The following EXOC4 variants were observed in gnomAD, a reference collection of about 807,000 sequenced individuals.
EXOC4 encodes the protein exocyst complex component 4, also known as SEC8-like 1.
EXOC4 carries 71 observed loss-of-function variants against 107.2 expected under a neutral mutation model. The observed-to-expected ratio is 0.66, with a 90% CI of 0.55 to 0.81. The LOEUF is 0.81. Among genes scored for constraint, EXOC4 ranks in the 30% least tolerant of loss-of-function variants. The pLI is 0.00. For synonymous variants in EXOC4, 456 were observed against 441.2 expected (o/e 1.03, Z -0.42); for missense variants, 1,108 against 1,189.6 (o/e 0.93, Z 1.01).
At chr7:133,475,592 G>T (rs1563079864) in intron 8 of EXOC4, 119 bp downstream of exon 8, 1 of 879,458 alleles carries the variant, frequency 1.1e-6, no homozygotes, top group East Asian at 2.5e-5. Flanking sequence ...TAATTTAGAG[G>T]AAGTGAATAT....
the EXOC4 span, among the ~76,000 whole-genome samples, chr7:134,072,183 C>T: frequency 6.6e-6 from 1 of 152,204 alleles, no homozygotes; most frequent in Admixed American, 6.5e-5. Flanking sequence ...TGTATCTTGG[C>T]TCAACATGTT....
chr7:133,993,661 A>G (rs1450445559), intron 14 of EXOC4, among the ~76,000 whole-genome samples: 1 of 152,222 alleles, frequency 6.6e-6, no homozygotes, highest in African/African-American at 2.4e-5. Flanking sequence ...TCTGAAGTCA[A>G]GCAGTTGCTT....
In EXOC4 at chr7:133,550,793, C is replaced by A. The variant is rs114221262; in HGVS notation, c.1417+70655C>A. Among the ~76,000 whole-genome samples the A allele has an allele frequency of 2.4e-3, 368 of 152,104 alleles. 5 individuals are homozygous for A. Among genetic ancestry groups the A allele is most frequent in the African/African-American group, 8.3e-3 (344 of 41,462 alleles). ...TGATTTAACATTGCTGGACTACCAC[C>A]CCCATTTATTCAGCAAAACACTAAT... On this transcript the variant is annotated intron_variant, in intron 9 of 17. Coordinates refer to ENST00000253861, the MANE Select transcript of EXOC4 (RefSeq NM_021807.4).
chr7:133,399,045 A>G (rs1797032528), intron 7 of EXOC4, among the ~76,000 whole-genome samples: 1 of 152,186 alleles, frequency 6.6e-6, no homozygotes, highest in Admixed American at 6.5e-5. Flanking sequence ...TGCCATTCCT[A>G]TAAATTATGT....
chr7:133,875,255 T>A (rs1209405372), intron 11 of EXOC4, among the ~76,000 whole-genome samples: 2 of 152,214 alleles, frequency 1.3e-5, no homozygotes, highest in East Asian at 3.8e-4. Context: ...GATTGAGATA[T>A]TTGCAAGTAC....
intron 11 of EXOC4, among the ~76,000 whole-genome samples, chr7:133,834,835 T>C (rs1426076568): frequency 6.6e-6 from 1 of 152,202 alleles, no homozygotes; most frequent in African/African-American, 2.4e-5. Flanking sequence ...TCTTGAATTG[T>C]AACTCCCACA....
chr7:133,726,566 C>T (rs1795219483), intron 10 of EXOC4, among the ~76,000 whole-genome samples: 1 of 152,192 alleles, frequency 6.6e-6, no homozygotes, highest in South Asian at 2.1e-4. Flanking sequence ...CTTCATAGGC[C>T]TCCAATAGGC....
chr7:133,584,671 C>T (rs1372611491), intron 9 of EXOC4, among the ~76,000 whole-genome samples: 4 of 150,224 alleles, frequency 2.7e-5, no homozygotes, highest in Admixed American at 6.7e-5. Flanking sequence ...CTCTGCCTCC[C>T]GGGTTCAAGT....
At chr7:134,025,436 G>A (rs748674318) in intron 17 of EXOC4, among the ~76,000 whole-genome samples, 12 of 152,324 alleles carry the variant, frequency 7.9e-5, no homozygotes, top group Non-Finnish European at 1.3e-4. Context: ...ATCCCAAAGC[G>A]CAGTACCTAA....
chr7:133,461,239 G>A (rs974561598), intron 7 of EXOC4, among the ~76,000 whole-genome samples: 6 of 152,170 alleles, frequency 3.9e-5, no homozygotes, highest in African/African-American at 1.4e-4. Flanking sequence ...TTAAAGAACA[G>A]AACCACTGTA....
intron 10 of EXOC4, among the ~76,000 whole-genome samples, chr7:133,701,030 C>A (rs1477601781): frequency 1.3e-5 from 2 of 151,846 alleles, no homozygotes; most frequent in Non-Finnish European, 2.9e-5. Flanking sequence ...ATAGAAAAGA[C>A]CAGGTAAGCA....
chr7:134,077,449 T>C, the EXOC4 span, among the ~76,000 whole-genome samples: 1 of 152,214 alleles, frequency 6.6e-6, no homozygotes, highest in Non-Finnish European at 1.5e-5. Context: ...TCTTACCAGC[T>C]ATCTGGGCAT....
At chr7:133,421,409 A>T (rs1797604261) in intron 7 of EXOC4, among the ~76,000 whole-genome samples, 1 of 152,230 alleles carries the variant, frequency 6.6e-6, no homozygotes, top group Non-Finnish European at 1.5e-5. Context: ...ATGACAGTTT[A>T]GTCCTTGCTG....
intron 9 of EXOC4, among the ~76,000 whole-genome samples, chr7:133,562,451 A>G (rs763924828): frequency 2.6e-5 from 4 of 152,084 alleles, no homozygotes; most frequent in Admixed American, 6.5e-5. Flanking sequence ...GGTTCTCTCA[A>G]TCCCATTCAT....
intron 11 of EXOC4, among the ~76,000 whole-genome samples, chr7:133,823,871 ATTATATATATATATATATATATTT>A (rs1797612001): frequency 3.5e-4 from 5 of 14,320 alleles, no homozygotes; most frequent in African/African-American, 6.3e-4. Context: ...ATATATATAT[ATTATATATATATATATATATATTT>A]TATATATATA....
chr7:133,496,311 G>A (rs984236966), intron 9 of EXOC4, among the ~76,000 whole-genome samples: 19 of 151,946 alleles, frequency 1.3e-4, no homozygotes, highest in African/African-American at 2.9e-4. Context: ...GTGCACCACC[G>A]CATGCACCAT....
intron 12 of EXOC4, among the ~76,000 whole-genome samples, chr7:133,906,591 C>G (rs976124470): frequency 1.3e-5 from 2 of 152,222 alleles, no homozygotes; most frequent in Non-Finnish European, 2.9e-5. Context: ...GGTCCCCTCC[C>G]TTTGTATGGG....
chr7:133,441,127 A>G (rs943014670), intron 7 of EXOC4, among the ~76,000 whole-genome samples: 3 of 152,180 alleles, frequency 2.0e-5, no homozygotes, highest in African/African-American at 4.8e-5. Flanking sequence ...AATGATACAG[A>G]CTGTAAGTAC....
rs540669918 is a variant in EXOC4 at position 133,454,032 on chromosome 7, A to C, written c.1183-21296A>C. 2.0e-5 allele frequency among the ~76,000 whole-genome samples: 3 copies of C among 152,192 alleles called. No homozygotes were observed. In the South Asian group the frequency reaches 6.2e-4, roughly 31 times the overall value. ...ATAATTTTAACAGCACTGGCATTTC[A>C]AGACAATTTATGATTAAGTTTTAAA... On this transcript the variant is annotated intron_variant, in intron 7 of 17. Transcript: ENST00000253861.
Sources: gnomAD v4.1 joint callset for allele counts (sites outside exome capture counted in the v4.1 genomes callset) on GRCh38, gnomAD v4.1.1 for gene constraint, MANE v1.5 for transcripts, NCBI Gene and HGNC (gene_info 2026-07-23, HGNC 2026-07-21) for gene names.